Variants in TMEM259 observed in about 807,000 individuals in gnomAD.
TMEM259 encodes the protein transmembrane protein 259.
Under a neutral mutation model 46.7 loss-of-function variants are expected in TMEM259, and 26 were observed. The observed-to-expected ratio is 0.56, with a 90% CI of 0.41 to 0.77. The LOEUF is 0.77. TMEM259 is among the 30% of genes least tolerant of loss of function. TMEM259 has a pLI of 0.00. For missense variants in TMEM259, 930 were observed against 900.5 expected (o/e 1.03, Z -0.42); for synonymous variants, 494 against 395.1 (o/e 1.25, Z -2.97).
At chr19:1,011,693 G>A (rs1395963067) in intron 7 of TMEM259, 30 bp from the exon 8 acceptor site, 1 of 1,526,772 alleles carries the variant, frequency 6.5e-7, no homozygotes, top group South Asian at 1.2e-5. Flanking sequence ...GGCGCCCGGT[G>A]AGGGCCTGGA....
intron 4 of TMEM259, 97 bp downstream of exon 4, chr19:1,012,366 C>A (rs1280274551): frequency 6.6e-7 from 1 of 1,507,084 alleles, no homozygotes; most frequent in East Asian, 2.5e-5. Context: ...CCCAGTGCTT[C>A]CTGCACAGCC....
At position 1,013,396 on chromosome 19, in the gene TMEM259, C is replaced by G. The variant is rs747368089; in HGVS notation, c.508-56G>C. 8.4e-6 allele frequency: 13 copies of G among 1,552,486 alleles called. No homozygotes were observed. The East Asian group carries it at 2.7e-4, about 32-fold the overall frequency. The stretch of plus-strand genomic sequence containing the variant: ...AGCGCCAGCCCGGGCTGTGAGGGCC[C>G]AGCCTGAGGATACAGTCCTGCTAAT... On this transcript the variant is annotated intron_variant, in intron 2 of 10. Transcript: ENST00000356663.
At chr19:1,012,255 G>A in intron 4 of TMEM259, 67 bp from the exon 5 acceptor site, 1 of 1,545,460 alleles carries the variant, frequency 6.5e-7, no homozygotes, top group South Asian at 1.2e-5. Flanking sequence ...TGCCCCAGCT[G>A]GCTCCATTGC....
At chr19:1,011,292 A>C in intron 9 of TMEM259, 75 bp downstream of exon 9, 1 of 1,537,112 alleles carries the variant, frequency 6.5e-7, no homozygotes, top group Non-Finnish European at 8.7e-7. Flanking sequence ...CCCCGCCTCC[A>C]GCGCCCCTCC....
intron 1 of TMEM259, among the ~76,000 whole-genome samples, chr19:1,019,065 T>C (rs1231258621): frequency 6.6e-6 from 1 of 150,938 alleles, no homozygotes; most frequent in Non-Finnish European, 1.5e-5. Context: ...GGGATTGGGG[T>C]TACTGAGAAC....
intron 1 of TMEM259, among the ~76,000 whole-genome samples, chr19:1,016,199 G>A (rs1005486340): frequency 6.6e-6 from 1 of 152,234 alleles, no homozygotes; most frequent in South Asian, 2.1e-4. Flanking sequence ...ACAAATGAGG[G>A]GTGGGCGGGG....
chr19:1,017,539 CCCTT>C (rs1383167388), intron 1 of TMEM259: 1 of 397,866 alleles, frequency 2.5e-6, no homozygotes, highest in African/African-American at 2.1e-5. Context: ...ACCCCTATGA[CCCTT>C]CCTTCCTCCG....
At position 1,011,168 on chromosome 19, in the gene TMEM259, G is replaced by C. The variant is rs368245667; in HGVS notation, c.1245C>G (p.Phe415Leu). The C allele has an allele frequency of 6.2e-7, 1 of 1,603,496 alleles. No individual in the cohort carries two copies. The highest frequency in any genetic ancestry group is 2.3e-5 in the East Asian group (1 of 44,384). Residue 415 changes from phenylalanine to leucine, a missense_variant, in exon 10 of 11, where the codon TTC becomes TTG. By Grantham distance (22) the Phe-to-Leu change is conservative (BLOSUM62 0). Transcript: ENST00000356663. ...CATTGAAGCGGTAGTGATAGGCATA[G>C]AAGGCGAAGTGGTAGAGATAGAAGA... ...LRFFYLYHFAFYAYHYRFNGQ... is the reference protein window; with the variant it reads ...LRFFYLYHFALYAYHYRFNGQ...
At position 1,011,505 on chromosome 19, in the gene TMEM259, G is replaced by A; in HGVS notation, c.1085-6C>T. On this transcript the variant is annotated splice_region_variant and splice_polypyrimidine_tract_variant and intron_variant, in intron 8 of 10. Transcript: ENST00000356663. Reference sequence around the variant, plus strand: ...CGACATGATGGCCTCCATCCCTGCAGGGAGAGGCGGCGCCGGTTGAAGCGG... The same window carrying A: ...CGACATGATGGCCTCCATCCCTGCAAGGAGAGGCGGCGCCGGTTGAAGCGG... The A allele has an allele frequency of 1.9e-6, 3 of 1,547,318 alleles. No individual in the cohort carries two copies. The highest frequency in any genetic ancestry group is 2.6e-6 in the Non-Finnish European group (3 of 1,146,502).
chr19:1,014,203 T>G lies in TMEM259; in HGVS notation c.496A>C (p.Ser166Arg), dbSNP rs771458581. 1.9e-6 allele frequency: 3 copies of G among 1,605,774 alleles called. No individual in the cohort carries two copies. The Admixed American group carries it at 5.0e-5, about 27-fold the overall frequency. ...CAGGCCTGGCTCACCTTGATGGAGC[T>G]GTTCCCAAACATCTCCATGGTCAGC... The part of the protein sequence containing the change: ...EELTMEMFGN[S>R]SIKFELDIEP... Residue 166 changes from serine to arginine, a missense_variant, in exon 2 of 11, where the codon AGC becomes CGC. By Grantham distance (110) the Ser-to-Arg change is moderately radical (BLOSUM62 -1). Transcript: ENST00000356663.
intron 3 of TMEM259, among the ~76,000 whole-genome samples, chr19:1,013,036 G>A (rs2038989948): frequency 6.6e-6 from 1 of 152,200 alleles, no homozygotes; most frequent in East Asian, 1.9e-4. Context: ...CAGAAAGGAT[G>A]AGCTGAGCCA....
rs754483026 is a variant in TMEM259, at chr19:1,014,260, T to C, written c.439A>G (p.Asn147Asp). 2.5e-6 allele frequency: 4 copies of C among 1,613,202 alleles called. No individual in the cohort carries two copies. The Admixed American group carries it at 5.0e-5, about 20-fold the overall frequency. ...TCCTCCTCATCTTCCATGTCCAGGT[T>C]GCTGCCTGGTTCCACGGCCAGGCCC... ...FPGLAVEPGSNLDMEDEEEEE... is the reference protein window; with the variant it reads ...FPGLAVEPGSDLDMEDEEEEE... Residue 147 changes from asparagine to aspartate, a missense_variant, in exon 2 of 11, where the codon AAC (asparagine) becomes GAC (aspartate). Physicochemically the swap from Asn to Asp is conservative, Grantham distance 23 (BLOSUM62 1). Transcript: ENST00000356663.
intron 1 of TMEM259, among the ~76,000 whole-genome samples, chr19:1,016,850 C>T (rs113356551): frequency 2.6e-5 from 4 of 152,108 alleles, no homozygotes; most frequent in Admixed American, 6.5e-5. Flanking sequence ...GTGAGTGACC[C>T]GTCCCATGAA....
chr19:1,018,757 G>A (rs138461003), intron 1 of TMEM259, among the ~76,000 whole-genome samples: 245 of 152,246 alleles, frequency 1.6e-3, no homozygotes, highest in African/African-American at 5.5e-3. Context: ...AGGCCGAGGC[G>A]GGCAGATCAC....
In TMEM259 at chr19:1,012,216, G is replaced by A. The variant is rs1158365715; in HGVS notation, c.719-28C>T. 3.2e-6 allele frequency: 5 copies of A among 1,581,230 alleles called. No homozygotes were observed. In the South Asian group the frequency reaches 4.6e-5, roughly 15 times the overall value. ...GCGGGTGGGTGAATCAGGGAGCCGG[G>A]AGCCCCGCCCAGGCCACCCCCTGGG... On this transcript the variant is annotated intron_variant, in intron 4 of 10. Coordinates refer to ENST00000356663, the MANE Select transcript of TMEM259 (RefSeq NM_001033026.2).
chr19:1,010,202 C>T lies in TMEM259; in HGVS notation c.*148G>A. 1 of 767,580 alleles carries T rather than the reference C, an allele frequency of 1.3e-6. No individual in the cohort carries two copies. Among genetic ancestry groups the T allele is most frequent in the Non-Finnish European group, 1.9e-6 (1 of 518,322 alleles). 47.5% of individuals were successfully genotyped at this position (767,580 alleles called of 1,614,324 possible). On this transcript the variant is annotated 3_prime_UTR_variant, in exon 11 of 11. Coordinates refer to ENST00000356663, the MANE Select transcript of TMEM259 (RefSeq NM_001033026.2). ...CTCACACCAGGGGGAGGAAAGCCGC[C>T]TTCCGGGCAAACCCCACGAAACCCT...
In TMEM259 at chr19:1,009,758, T is replaced by C. The variant is rs1371718214; in HGVS notation, c.*592A>G. The C allele has an allele frequency of 8.6e-6, 6 of 699,936 alleles. No individual in the cohort carries two copies. The Admixed American group carries it at 1.7e-4, about 20-fold the overall frequency. The allele number at this position is 699,936 out of a possible 1,614,324, so 43.4% of individuals were successfully genotyped here. On this transcript the variant is annotated 3_prime_UTR_variant, in exon 11 of 11. Transcript: ENST00000356663. ...CGCATTCCTCCCCGAGTGACTGGTT[T>C]GGCCGCCGGCCCACTCCATCCCCGA...
chr19:1,018,990 A>G (rs1255124357), intron 1 of TMEM259, among the ~76,000 whole-genome samples: 1 of 149,324 alleles, frequency 6.7e-6, no homozygotes, highest in Non-Finnish European at 1.5e-5. Context: ...TCCATCTCAA[A>G]AAAAAAAAAA....
At position 1,010,712 on chromosome 19, in the gene TMEM259, CG is replaced by C; in HGVS notation, c.1500del (p.Ala501ProfsTer57). ...ATAPDSAGQP[P>X]ALGPVSPGAS... ...GCCCCAGGCGAGACGGGGCCCAGGG[CG>C]GGGGGCTGGCCGGCAGAGTCAGGGG... On this transcript the variant is annotated frameshift_variant, in exon 11 of 11. Coordinates refer to ENST00000356663, the MANE Select transcript of TMEM259 (RefSeq NM_001033026.2). LOFTEE classifies it low-confidence loss of function (END_TRUNC). 1.3e-6 allele frequency: 2 copies of C among 1,528,972 alleles called. No homozygotes were observed. Among genetic ancestry groups the C allele is most frequent in the South Asian group, 1.2e-5 (1 of 83,772 alleles). The allele number at this position is 1,528,972 out of a possible 1,614,324, so 94.7% of individuals were successfully genotyped here. A position where few individuals can be genotyped will look rare whatever the true frequency, so the allele number is the denominator to read the frequency against.
Sources: gnomAD v4.1 joint callset for allele counts (sites outside exome capture counted in the v4.1 genomes callset) on GRCh38, gnomAD v4.1.1 for gene constraint, MANE v1.5 for transcripts, NCBI Gene and HGNC (gene_info 2026-07-23, HGNC 2026-07-21) for gene names.